The following MPP7 variants were observed in gnomAD, a reference collection of about 807,000 sequenced individuals.
MPP7 encodes the protein MAGUK p55 scaffold protein 7, also known as MAGUK p55 subfamily member 7.
A neutral mutation model predicts 76.5 loss-of-function variants in MPP7; 60 were observed. The ratio of observed to expected loss-of-function variants is 0.78; its 90% confidence interval spans 0.64 to 0.97. The LOEUF (loss-of-function observed/expected upper bound fraction) is 0.97. MPP7 is among the 50% of genes least tolerant of loss of function. MPP7 has a pLI of 0.00. For synonymous variants in MPP7, 237 were observed against 244.5 expected, an observed-to-expected ratio of 0.97 and a Z score of 0.29; for missense variants, 641 against 694.0, an observed-to-expected ratio of 0.92 and a Z score of 0.86.
chr10:28,304,999 A>T (rs1395145281), upstream of MPP7, among the ~76,000 whole-genome samples: 1 of 152,194 alleles, frequency 6.6e-6, no homozygotes, highest in Non-Finnish European at 1.5e-5. Flanking sequence ...CCAGACCGGG[A>T]TCAGGGCAAA....
At chr10:28,287,031 A>G (rs926858701) in intron 1 of MPP7, among the ~76,000 whole-genome samples, 4 of 152,212 alleles carry the variant, frequency 2.6e-5, no homozygotes, top group South Asian at 2.1e-4. Flanking sequence ...AAGCTGAACT[A>G]GCAGTTTTTG....
intron 1 of MPP7, among the ~76,000 whole-genome samples, chr10:28,260,446 A>G (rs1224320675): frequency 1.3e-5 from 2 of 152,152 alleles, no homozygotes; most frequent in African/African-American, 2.4e-5. Context: ...ATATGAAAAT[A>G]CCAGAGACTA....
chr10:28,183,881 C>T (rs943488392), intron 3 of MPP7, among the ~76,000 whole-genome samples: 7 of 152,050 alleles, frequency 4.6e-5, no homozygotes, highest in East Asian at 1.9e-4. Flanking sequence ...CAAATCCTGG[C>T]GTATAGCATG....
At chr10:28,289,300 CAA>C (rs11436116) in intron 1 of MPP7, 11 of 130,756 alleles carry the variant, frequency 8.4e-5, no homozygotes, top group Non-Finnish European at 1.0e-4. Flanking sequence ...GACTCCATCT[CAA>C]AAAAAAAAAA....
chr10:28,192,225 T>A (rs1837435241), intron 3 of MPP7, among the ~76,000 whole-genome samples: 1 of 152,112 alleles, frequency 6.6e-6, no homozygotes, highest in African/African-American at 2.4e-5. Context: ...AAGATCAGTA[T>A]AAAGAAAAGA....
intron 1 of MPP7, among the ~76,000 whole-genome samples, 115 bp downstream of exon 1, chr10:28,302,746 G>A (rs1272727870): frequency 2.0e-5 from 3 of 152,080 alleles, no homozygotes; most frequent in African/African-American, 7.2e-5. Flanking sequence ...GGCTCCGGAG[G>A]ACCGCGGCAC....
At chr10:28,324,910 G>T (rs1433674747) in intron 2 of MPP7, among the ~76,000 whole-genome samples, 6 of 152,160 alleles carry the variant, frequency 3.9e-5, no homozygotes, top group Non-Finnish European at 8.8e-5. Context: ...AAGTCTATAA[G>T]TGATAGAGCT....
chr10:28,248,472 T>A (rs532501828), intron 1 of MPP7, among the ~76,000 whole-genome samples: 149 of 152,254 alleles, frequency 9.8e-4, no homozygotes, highest in Non-Finnish European at 1.8e-3. Flanking sequence ...TTTCCCCAGG[T>A]GGCATCTTCT....
At chr10:28,112,523 A>G (rs897850385) in intron 11 of MPP7, among the ~76,000 whole-genome samples, 1 of 152,220 alleles carries the variant, frequency 6.6e-6, no homozygotes, top group East Asian at 1.9e-4. Context: ...TAAATTTGCA[A>G]AAGAATGTTT....
chr10:28,174,004 T>A (rs2887214), intron 3 of MPP7, among the ~76,000 whole-genome samples: 138,408 of 152,256 alleles, frequency 0.91, 62,968 homozygotes, highest in South Asian at 0.95. Flanking sequence ...CCAGAAACAG[T>A]CCCATACGAA....
upstream of MPP7, among the ~76,000 whole-genome samples, chr10:28,306,705 G>A (rs1276330249): frequency 6.5e-5 from 9 of 138,722 alleles, no homozygotes; most frequent in East Asian, 1.8e-3. Flanking sequence ...ATAGATAGTT[G>A]ATAGATAGAT....
At chr10:28,302,614 G>C (rs1398588242) in intron 1 of MPP7, among the ~76,000 whole-genome samples, 1 of 151,972 alleles carries the variant, frequency 6.6e-6, no homozygotes, top group East Asian at 1.9e-4. Flanking sequence ...GTCAACAGGG[G>C]TCTCCAGGGG....
At chr10:28,212,580 T>G (rs1292868524) in intron 2 of MPP7, among the ~76,000 whole-genome samples, 1 of 152,056 alleles carries the variant, frequency 6.6e-6, no homozygotes, top group Non-Finnish European at 1.5e-5. Flanking sequence ...CTTAAAGCCA[T>G]GAGGTAAAAT....
intron 11 of MPP7, among the ~76,000 whole-genome samples, chr10:28,095,815 A>T (rs1320132762): frequency 6.6e-6 from 1 of 152,212 alleles, no homozygotes; most frequent in Non-Finnish European, 1.5e-5. Context: ...TACATAAAAA[A>T]TATTTTTCCT....
intron 2 of MPP7, among the ~76,000 whole-genome samples, chr10:28,317,327 A>G (rs1834333555): frequency 6.6e-6 from 1 of 152,176 alleles, no homozygotes; most frequent in African/African-American, 2.4e-5. Flanking sequence ...CAGGAGTCCA[A>G]GACCAACCTG....
intron 3 of MPP7, among the ~76,000 whole-genome samples, chr10:28,154,170 T>C (rs1452420585): frequency 2.6e-5 from 4 of 152,190 alleles, no homozygotes; most frequent in South Asian, 2.1e-4. Flanking sequence ...AGTCCATGGA[T>C]GGTTACAAAC....
intron 1 of MPP7, among the ~76,000 whole-genome samples, chr10:28,298,813 T>G (rs1338074280): frequency 6.6e-6 from 1 of 152,238 alleles, no homozygotes; most frequent in Non-Finnish European, 1.5e-5. Flanking sequence ...AGCTAGATAT[T>G]CTGGATAACA....
intron 3 of MPP7, among the ~76,000 whole-genome samples, chr10:28,179,988 C>T (rs937770021): frequency 3.9e-5 from 6 of 152,078 alleles, no homozygotes; most frequent in Non-Finnish European, 8.8e-5. Flanking sequence ...ATTCTAGATG[C>T]TATGCTTCCA....
intron 2 of MPP7, among the ~76,000 whole-genome samples, chr10:28,209,788 T>G (rs1441014213): frequency 6.6e-6 from 1 of 152,218 alleles, no homozygotes; most frequent in Non-Finnish European, 1.5e-5. Flanking sequence ...TTTTATGTGT[T>G]AATTTGACTG....
Sources: allele counts gnomAD v4.1 joint callset (sites outside exome capture counted in the v4.1 genomes callset), GRCh38; gene constraint gnomAD v4.1.1; transcripts MANE v1.5; gene names NCBI Gene and HGNC (gene_info 2026-07-23, HGNC 2026-07-21).